Variants in ITPR2 observed in about 807,000 individuals in gnomAD.
The protein encoded by ITPR2 is inositol 1,4,5-trisphosphate receptor type 2.
In ITPR2, 207 loss-of-function variants were observed where a neutral mutation model predicts 317.1. The ratio of observed to expected loss-of-function variants is 0.65; its 90% confidence interval spans 0.58 to 0.73. ITPR2 has a LOEUF of 0.73. Among genes scored for constraint, ITPR2 ranks in the 30% least tolerant of loss-of-function variants. The pLI is 0.00. For missense variants in ITPR2, 2,613 were observed against 3,284.0 expected (o/e 0.80, Z 4.99); for synonymous variants, 1,156 against 1,149.1 (o/e 1.01, Z -0.12).
At chr12:26,756,638 C>G (rs900353017) in intron 2 of ITPR2, among the ~76,000 whole-genome samples, 1 of 152,222 alleles carries the variant, frequency 6.6e-6, no homozygotes, top group African/African-American at 2.4e-5. Flanking sequence ...CTGATGCTTT[C>G]TGACTGAGCT....
At chr12:26,490,312 T>C (rs1310448975) in intron 39 of ITPR2, among the ~76,000 whole-genome samples, 1 of 152,134 alleles carries the variant, frequency 6.6e-6, no homozygotes, top group African/African-American at 2.4e-5. Flanking sequence ...ACACCAAATG[T>C]CCCAGACAGC....
chr12:26,511,949 T>G lies in ITPR2; in HGVS notation c.5074-16689A>C, dbSNP rs1316106976. Among the ~76,000 whole-genome samples the G allele has an allele frequency of 7.9e-5, 12 of 152,136 alleles. No homozygotes were observed. The East Asian group carries it at 2.1e-3, about 27-fold the overall frequency. On this transcript the variant is annotated intron_variant, in intron 37 of 56. Transcript: ENST00000381340. ...TCTTACTATTCCTGACACTAAAATC[T>G]CCTTCTCTGAAACATCTGTCATCCT...
At chr12:26,390,412 T>A (rs1278761885) in intron 54 of ITPR2, among the ~76,000 whole-genome samples, 1 of 152,180 alleles carries the variant, frequency 6.6e-6, no homozygotes. Context: ...GACAGGATAA[T>A]TTTTTACAAT....
chr12:26,723,441 CG>C (rs1948869181), intron 4 of ITPR2, among the ~76,000 whole-genome samples: 1 of 152,108 alleles, frequency 6.6e-6, no homozygotes, highest in Non-Finnish European at 1.5e-5. Context: ...CTAACACCTG[CG>C]CTTCGGGTAC....
chr12:26,626,171 C>G (rs1946620359), intron 23 of ITPR2, among the ~76,000 whole-genome samples: 1 of 152,094 alleles, frequency 6.6e-6, no homozygotes, highest in African/African-American at 2.4e-5. Context: ...CGCCATGTTG[C>G]CCAGTCTGGT....
chr12:26,426,600 G>A (rs1941067751), intron 49 of ITPR2, among the ~76,000 whole-genome samples: 1 of 152,090 alleles, frequency 6.6e-6, no homozygotes, highest in South Asian at 2.1e-4. Context: ...TTCTTTGTAG[G>A]TATAGTACAC....
At chr12:26,487,480 C>A (rs1161214511) in intron 39 of ITPR2, among the ~76,000 whole-genome samples, 1 of 152,112 alleles carries the variant, frequency 6.6e-6, no homozygotes, top group African/African-American at 2.4e-5. Flanking sequence ...TTTTCAGATG[C>A]TGTTTAATTT....
chr12:26,748,663 G>A (rs1266211401), intron 2 of ITPR2, among the ~76,000 whole-genome samples: 1 of 152,192 alleles, frequency 6.6e-6, no homozygotes, highest in Admixed American at 6.5e-5. Context: ...TAGTCTTAGT[G>A]AGAATTATGA....
intron 9 of ITPR2, among the ~76,000 whole-genome samples, chr12:26,705,961 C>T (rs1239504835): frequency 6.6e-6 from 1 of 152,118 alleles, no homozygotes; most frequent in Non-Finnish European, 1.5e-5. Flanking sequence ...AGACAACTAC[C>T]TTATTTGTTT....
rs1479900943 is a variant in ITPR2, at chr12:26,831,975, G to A, written c.92+715C>T. ...TCGAATCTCAAGAACTCTTCACTTG[G>A]CTAAATTCCAAGAGAGGCTCAGCAT... On this transcript the variant is annotated intron_variant, in intron 1 of 56. Coordinates refer to ENST00000381340, the MANE Select transcript of ITPR2 (RefSeq NM_002223.4). The surrounding 1 kb of genome is among the most constrained non-coding windows in gnomAD (Gnocchi z 4.9). Among the ~76,000 whole-genome samples the A allele has an allele frequency of 6.6e-6, 1 of 150,708 alleles. No homozygotes were observed. The highest frequency in any genetic ancestry group is 2.4e-5 in the African/African-American group (1 of 40,876).
At chr12:26,449,553 A>C (rs1402253796) in intron 45 of ITPR2, among the ~76,000 whole-genome samples, 1 of 152,218 alleles carries the variant, frequency 6.6e-6, no homozygotes, top group South Asian at 2.1e-4. Flanking sequence ...AATTAATACA[A>C]GGAAAAATGA....
chr12:26,422,940 G>A (rs918859554), intron 49 of ITPR2, among the ~76,000 whole-genome samples: 32 of 152,060 alleles, frequency 2.1e-4, no homozygotes, highest in African/African-American at 7.5e-4. Flanking sequence ...CATTTCAGGG[G>A]CATTACATCT....
At chr12:26,341,307 A>G (rs1259812065) in intron 55 of ITPR2, among the ~76,000 whole-genome samples, 1 of 152,150 alleles carries the variant, frequency 6.6e-6, no homozygotes, top group African/African-American at 2.4e-5. Context: ...CCTTCTCCCA[A>G]CATCCCTAGC....
rs1229261132 is a variant in ITPR2 at position 26,674,390 on chromosome 12, C to T, written c.1409+7484G>A. On this transcript the variant is annotated intron_variant, in intron 13 of 56. Transcript: ENST00000381340. ...AGAACAGAGCCCTCAGAAATAACAC[C>T]GCATATCTACAACTATCTGATCTTT... 3.6e-4 allele frequency among the ~76,000 whole-genome samples: 55 copies of T among 152,242 alleles called. No individual in the cohort carries two copies. The South Asian group carries it at 0.011, about 29-fold the overall frequency.
chr12:26,772,450 T>A (rs1460487258), intron 2 of ITPR2, among the ~76,000 whole-genome samples: 45 of 74,034 alleles, frequency 6.1e-4, no homozygotes, highest in African/African-American at 1.6e-3. Flanking sequence ...ATTATATATA[T>A]TATATATATA....
At chr12:26,447,757 A>G (rs1941641766) in intron 45 of ITPR2, among the ~76,000 whole-genome samples, 1 of 152,112 alleles carries the variant, frequency 6.6e-6, no homozygotes, top group Non-Finnish European at 1.5e-5. Flanking sequence ...ATATCAATAC[A>G]GTGCTTTCCT....
At chr12:26,707,977 G>T (rs1159386240) in intron 9 of ITPR2, among the ~76,000 whole-genome samples, 2 of 151,806 alleles carry the variant, frequency 1.3e-5, no homozygotes, top group Non-Finnish European at 2.9e-5. Context: ...CATACAAATG[G>T]CAAACAAATA....
In ITPR2 at chr12:26,557,040, T is replaced by C. The variant is rs570429693; in HGVS notation, c.4822-665A>G. ...GTTGCAGTGACGCAATATAGCACCA[T>C]TGCACTCCAGCCTGGGTGACAGAGC... On this transcript the variant is annotated intron_variant, in intron 35 of 56. Coordinates refer to ENST00000381340, the MANE Select transcript of ITPR2 (RefSeq NM_002223.4). Among the ~76,000 whole-genome samples the C allele has an allele frequency of 5.1e-4, 77 of 151,830 alleles. 1 individual carries two copies. Among genetic ancestry groups the C allele is most frequent in the Non-Finnish European group, 1.0e-3 (68 of 67,970 alleles).
intron 37 of ITPR2, among the ~76,000 whole-genome samples, chr12:26,498,789 G>C (rs138834588): frequency 6.6e-6 from 1 of 152,146 alleles, no homozygotes; most frequent in African/African-American, 2.4e-5. Flanking sequence ...CTGAACCCTT[G>C]AGAACTAGCT....
Sources: allele counts gnomAD v4.1 joint callset (sites outside exome capture counted in the v4.1 genomes callset), GRCh38; gene constraint gnomAD v4.1.1; non-coding constraint Gnocchi (gnomAD v3.1); transcripts MANE v1.5; gene names NCBI Gene and HGNC (gene_info 2026-07-23, HGNC 2026-07-21).